ASB3: variants seen among roughly 807,000 people sequenced by gnomAD.
ASB3 encodes ankyrin repeat and SOCS box containing 3.
Under a neutral mutation model 54.5 loss-of-function variants are expected in ASB3, and 41 were observed. The ratio of observed to expected loss-of-function variants is 0.75; its 90% confidence interval spans 0.59 to 0.98. The LOEUF is 0.98. ASB3 is among the 50% of genes least tolerant of loss of function. The probability of loss-of-function intolerance (pLI) is 0.00; values close to 1 mark genes in which losing one functional copy is unlikely to be tolerated. For missense variants in ASB3, 733 were observed against 620.0 expected (o/e 1.18, Z -1.94); for synonymous variants, 266 against 221.2 (o/e 1.20, Z -1.80).
At chr2:53,720,554 T>C (rs1670648210) in intron 5 of ASB3, among the ~76,000 whole-genome samples, 1 of 152,198 alleles carries the variant, frequency 6.6e-6, no homozygotes, top group Non-Finnish European at 1.5e-5. Context: ...TTAACTATCC[T>C]AAATATACAC....
At chr2:53,698,702 G>C (rs1669319681) in intron 8 of ASB3, among the ~76,000 whole-genome samples, 1 of 152,148 alleles carries the variant, frequency 6.6e-6, no homozygotes, top group Non-Finnish European at 1.5e-5. Flanking sequence ...TGTCATCTGA[G>C]ACCTTGTCAT....
chr2:53,773,093 G>A (rs568782640), intron 1 of ASB3, among the ~76,000 whole-genome samples: 1 of 152,082 alleles, frequency 6.6e-6, no homozygotes, highest in East Asian at 1.9e-4. Flanking sequence ...ATAATGGTGT[G>A]GATTAGGAAA....
intron 3 of ASB3, among the ~76,000 whole-genome samples, chr2:53,735,317 ATGGTCCAGAACCAAATT>A (rs1239666912): frequency 4.6e-5 from 7 of 152,146 alleles, no homozygotes; most frequent in African/African-American, 1.7e-4. Flanking sequence ...ACTTTCCCTC[ATGGTCCAGAACCAAATT>A]TCCAAATACC....
At chr2:53,690,254 TTAA>T (rs1431539450) in intron 9 of ASB3, among the ~76,000 whole-genome samples, 1 of 149,686 alleles carries the variant, frequency 6.7e-6, no homozygotes, top group Non-Finnish European at 1.5e-5. Flanking sequence ...AATAAATAAA[TTAA>T]TTAATTAATT....
intron 9 of ASB3, among the ~76,000 whole-genome samples, chr2:53,672,992 G>A (rs183351020): frequency 4.6e-5 from 7 of 152,194 alleles, no homozygotes; most frequent in Admixed American, 6.5e-5. Context: ...TATGCACAAC[G>A]TAATAAAAAG....
At chr2:53,739,638 C>G (rs1671824750) in intron 3 of ASB3, among the ~76,000 whole-genome samples, 1 of 152,084 alleles carries the variant, frequency 6.6e-6, no homozygotes. Context: ...TGAGTTTTAT[C>G]TCTATTAGCT....
chr2:53,756,578 C>A (rs1672839086), intron 2 of ASB3, among the ~76,000 whole-genome samples: 1 of 152,126 alleles, frequency 6.6e-6, no homozygotes, highest in South Asian at 2.1e-4. Context: ...ACAAGACTTG[C>A]CCTCACCAAT....
At chr2:53,711,594 G>C (rs541466220) in intron 7 of ASB3, among the ~76,000 whole-genome samples, 2 of 152,114 alleles carry the variant, frequency 1.3e-5, no homozygotes, top group African/African-American at 4.8e-5. Flanking sequence ...GGCCAACATG[G>C]TGAAATCCCA....
intron 3 of ASB3, among the ~76,000 whole-genome samples, chr2:53,732,347 T>C (rs978529293): frequency 2.6e-5 from 4 of 152,144 alleles, no homozygotes; most frequent in Admixed American, 1.3e-4. Flanking sequence ...AAAAAAAGCC[T>C]GAAAATAATA....
chr2:53,737,387 T>C (rs184669456), intron 3 of ASB3, among the ~76,000 whole-genome samples: 1 of 152,214 alleles, frequency 6.6e-6, no homozygotes, highest in East Asian at 1.9e-4. Flanking sequence ...ATTTAAGTGG[T>C]TGAAATCTGC....
At chr2:53,726,621 C>CATATATATATACACAT (rs1671010728) in intron 5 of ASB3, among the ~76,000 whole-genome samples, 2 of 150,762 alleles carry the variant, frequency 1.3e-5, no homozygotes, top group Non-Finnish European at 1.5e-5. Flanking sequence ...TATATACACA[C>CATATATATATACACAT]ATATATATAT....
chr2:53,774,688 GA>G, intron 1 of ASB3: 1 of 528,870 alleles, frequency 1.9e-6, no homozygotes, highest in Non-Finnish European at 3.1e-6. Flanking sequence ...TACAGTGAAA[GA>G]AAAATTCAAA....
intron 8 of ASB3, chr2:53,694,447 A>G (rs926555084): frequency 6.5e-6 from 1 of 154,110 alleles, no homozygotes; most frequent in African/African-American, 2.4e-5. Context: ...GTACAAGTGT[A>G]CAAGTATGGC....
intron 2 of ASB3, among the ~76,000 whole-genome samples, chr2:53,756,427 T>C (rs1225428163): frequency 6.6e-6 from 1 of 152,232 alleles, no homozygotes; most frequent in Non-Finnish European, 1.5e-5. Context: ...ATAAATATTT[T>C]AACTTGGCAT....
chr2:53,735,434 C>T (rs985715322), intron 3 of ASB3, among the ~76,000 whole-genome samples: 2 of 144,230 alleles, frequency 1.4e-5, no homozygotes, highest in Non-Finnish European at 3.0e-5. Flanking sequence ...ATAAAACATG[C>T]AAAACCTCTA....
At chr2:53,733,317 A>T (rs559438271) in intron 3 of ASB3, among the ~76,000 whole-genome samples, 1 of 152,254 alleles carries the variant, frequency 6.6e-6, no homozygotes, top group Admixed American at 6.5e-5. Context: ...ATGACATTTT[A>T]TATTATATTC....
At chr2:53,770,100 C>T (rs1477977960) in intron 1 of ASB3, among the ~76,000 whole-genome samples, 2 of 152,134 alleles carry the variant, frequency 1.3e-5, no homozygotes, top group African/African-American at 4.8e-5. Flanking sequence ...ACTTGACCCT[C>T]ACCAATATAT....
At chr2:53,785,983 T>A (rs56133964) in intron 1 of ASB3, among the ~76,000 whole-genome samples, 61 of 151,306 alleles carry the variant, frequency 4.0e-4, no homozygotes, top group East Asian at 8.0e-4. Context: ...TAAAAAAAAA[T>A]TTTTAAGATA....
intron 9 of ASB3, among the ~76,000 whole-genome samples, chr2:53,684,091 T>A (rs1668514537): frequency 1.3e-5 from 2 of 152,198 alleles, no homozygotes; most frequent in Admixed American, 1.3e-4. Context: ...TTTAGCTATA[T>A]CATTTACAAA....
Sources: allele counts gnomAD v4.1 joint callset (sites outside exome capture counted in the v4.1 genomes callset), GRCh38; gene constraint gnomAD v4.1.1; transcripts MANE v1.5; gene names NCBI Gene and HGNC (gene_info 2026-07-23, HGNC 2026-07-21).